SRBD1: variants seen among roughly 807,000 people sequenced by gnomAD.
SRBD1 encodes the protein S1 RNA binding domain 1, also known as S1 RNA-binding domain-containing protein 1.
SRBD1 carries 88 observed loss-of-function variants against 115.3 expected under a neutral mutation model. The observed-to-expected ratio is 0.76, with a 90% CI of 0.64 to 0.91. SRBD1 has a LOEUF of 0.91. Among genes scored for constraint, SRBD1 ranks in the 40% least tolerant of loss-of-function variants. SRBD1 has a pLI of 0.00. For synonymous variants in SRBD1, 509 were observed against 407.7 expected, an observed-to-expected ratio of 1.25 and a Z score of -2.99; for missense variants, 1,385 against 1,177.4, an observed-to-expected ratio of 1.18 and a Z score of -2.58.
intron 14 of SRBD1, among the ~76,000 whole-genome samples, chr2:45,536,864 A>G (rs1310644802): frequency 6.6e-5 from 10 of 152,124 alleles, no homozygotes; most frequent in Admixed American, 3.9e-4. Context: ...TTAACTTTGC[A>G]TTTTTAAAGG....
rs76564128 is a variant in SRBD1, at chr2:45,597,616, A to G, written c.648+1833T>C. 2.8e-3 allele frequency among the ~76,000 whole-genome samples: 425 copies of G among 152,192 alleles called. 2 individuals are homozygous for G. Among genetic ancestry groups the G allele is most frequent in the Middle Eastern group, 6.8e-3 (2 of 294 alleles). On this transcript the variant is annotated intron_variant, in intron 4 of 20. Transcript: ENST00000263736. ...AATTGGTGATTATAAGACACCAGAT[A>G]GAGAGAAAACTAACAGCACCTTCTC...
intron 1 of SRBD1, among the ~76,000 whole-genome samples, chr2:45,609,536 A>G (rs1263409314): frequency 6.6e-6 from 1 of 152,186 alleles, no homozygotes; most frequent in Non-Finnish European, 1.5e-5. Flanking sequence ...TTCACTTAGA[A>G]TCAAGCCACA....
At chr2:45,592,261 C>G (rs896728488) in intron 4 of SRBD1, among the ~76,000 whole-genome samples, 1 of 152,062 alleles carries the variant, frequency 6.6e-6, no homozygotes, top group Non-Finnish European at 1.5e-5. Context: ...TGAAAACAGA[C>G]TAATACATAG....
chr2:45,492,549 C>T (rs1670330287), intron 14 of SRBD1, among the ~76,000 whole-genome samples: 2 of 152,206 alleles, frequency 1.3e-5, no homozygotes, highest in African/African-American at 4.8e-5. Context: ...CACCATTCTC[C>T]TGCCTCAGCC....
At chr2:45,512,907 T>A (rs1362380532) in intron 14 of SRBD1, among the ~76,000 whole-genome samples, 2 of 152,238 alleles carry the variant, frequency 1.3e-5, no homozygotes, top group East Asian at 3.9e-4. Flanking sequence ...GTCTGTCCCC[T>A]TTAACCTACT....
chr2:45,553,547 T>C (rs1015667125), intron 11 of SRBD1, 76 bp downstream of exon 11: 2 of 916,188 alleles, frequency 2.2e-6, no homozygotes, highest in African/African-American at 3.4e-5. Flanking sequence ...CAACAAACAT[T>C]AGCTACACAC....
chr2:45,431,215 G>A (rs1215028059), intron 16 of SRBD1, among the ~76,000 whole-genome samples: 1 of 152,198 alleles, frequency 6.6e-6, no homozygotes, highest in African/African-American at 2.4e-5. Flanking sequence ...GTGTAAATTA[G>A]TTCAACCATT....
In SRBD1 at chr2:45,581,688, C is replaced by T. The variant is rs1673369134; in HGVS notation, c.933+5G>A. 2 of 1,607,788 alleles carry T rather than the reference C, an allele frequency of 1.2e-6. No individual in the cohort carries two copies. The highest frequency in any genetic ancestry group is 1.3e-5 in the African/African-American group (1 of 74,510). ...TTACATTAAAAGATAAAAAGGATTC[C>T]TTACCACGTGTTCTAGTTCTTCAAA... On this transcript the variant is annotated splice_donor_5th_base_variant and intron_variant, in intron 6 of 20. Coordinates refer to ENST00000263736, the MANE Select transcript of SRBD1 (RefSeq NM_018079.5).
chr2:45,562,729 A>C lies in SRBD1; in HGVS notation c.1333T>G (p.Leu445Val), dbSNP rs745511617. 6.4e-5 allele frequency: 103 copies of C among 1,609,728 alleles called. No individual in the cohort carries two copies. Among genetic ancestry groups the C allele is most frequent in the Non-Finnish European group, 8.7e-5 (102 of 1,178,932 alleles). ...TTGACCTTAACCGTCAGTACCTTCA[A>C]ATTTTCTCCACGGTTAATTGCCAGA... ...QILAINRGEN[L>V]KVLTVKVNIS... is the part of the protein sequence containing the mutation. The change falls in exon 10 of 21, where the codon TTG (leucine) becomes GTG (valine). Residue 445 changes from leucine (L) to valine (V), a missense_variant. By Grantham distance (32) the Leu-to-Val change is conservative (BLOSUM62 1). Coordinates refer to ENST00000263736, the MANE Select transcript of SRBD1 (RefSeq NM_018079.5).
intron 14 of SRBD1, among the ~76,000 whole-genome samples, chr2:45,506,166 C>T (rs1403661834): frequency 6.6e-6 from 1 of 152,084 alleles, no homozygotes; most frequent in African/African-American, 2.4e-5. Flanking sequence ...TTAGATACAT[C>T]AGAAATCAAA....
intron 11 of SRBD1, among the ~76,000 whole-genome samples, chr2:45,551,675 T>G (rs988629948): frequency 5.3e-5 from 8 of 152,078 alleles, no homozygotes; most frequent in Admixed American, 1.3e-4. Flanking sequence ...AAACAGCATA[T>G]GTAAAGGCTC....
At chr2:45,405,675 A>T (rs1558556522) in intron 19 of SRBD1, among the ~76,000 whole-genome samples, 3 of 152,160 alleles carry the variant, frequency 2.0e-5, no homozygotes, top group Non-Finnish European at 4.4e-5. Flanking sequence ...GGGCCAGAGG[A>T]GAAAGAGAAA....
At chr2:45,468,495 C>G (rs753347822) in intron 16 of SRBD1, among the ~76,000 whole-genome samples, 51 of 151,992 alleles carry the variant, frequency 3.4e-4, no homozygotes, top group East Asian at 1.9e-4. Flanking sequence ...CCAAGTGATC[C>G]TTTCACCTCA....
At chr2:45,428,639 C>T (rs1668235936) in intron 16 of SRBD1, among the ~76,000 whole-genome samples, 1 of 151,852 alleles carries the variant, frequency 6.6e-6, no homozygotes, top group Admixed American at 6.5e-5. Flanking sequence ...CACAATGTAC[C>T]AGAATCTCTG....
Position 45,599,439 on chromosome 2 carries a change from C to T in SRBD1, c.648+10G>A, listed in dbSNP as rs1273762108. 3 of 1,603,502 alleles carry T rather than the reference C, an allele frequency of 1.9e-6. No individual in the cohort carries two copies. The highest frequency in any genetic ancestry group is 2.6e-6 in the Non-Finnish European group (3 of 1,174,368). ...AAACAACTAAAGTGACAGAAAAAGGCTGCACATACCTGTACCATGTCCCAA... is the reference window on the plus strand; with the variant it reads ...AAACAACTAAAGTGACAGAAAAAGGTTGCACATACCTGTACCATGTCCCAA... On this transcript the variant is annotated intron_variant, in intron 4 of 20. Transcript: ENST00000263736.
intron 9 of SRBD1, among the ~76,000 whole-genome samples, chr2:45,564,716 A>T (rs2104111842): frequency 6.6e-6 from 1 of 152,388 alleles, no homozygotes; most frequent in East Asian, 1.9e-4. Context: ...TTGACCTTTG[A>T]ACAATACAGG....
intron 1 of SRBD1, among the ~76,000 whole-genome samples, chr2:45,609,135 T>C (rs570615004): frequency 3.7e-4 from 57 of 152,302 alleles, no homozygotes; most frequent in African/African-American, 9.1e-4. Flanking sequence ...TTCATTGACA[T>C]ATAATTGACA....
Position 45,585,618 on chromosome 2 carries a change from C to T in SRBD1, c.805G>A (p.Glu269Lys). 1.9e-6 allele frequency: 3 copies of T among 1,610,802 alleles called. No homozygotes were observed. The highest frequency in any genetic ancestry group is 1.1e-5 in the South Asian group (1 of 90,290). Residue 269 changes from glutamate (E) to lysine (K), a missense_variant, in exon 5 of 21, where the codon GAA becomes AAA. Physicochemically the swap from Glu to Lys is moderately conservative, Grantham distance 56 (BLOSUM62 1). Coordinates refer to ENST00000263736, the MANE Select transcript of SRBD1 (RefSeq NM_018079.5). Reference protein sequence around the residue: ...DSLREVQQTLEELRAVAKKVH... With the variant: ...DSLREVQQTLKELRAVAKKVH... Reference sequence around the variant, plus strand: ...TTTTAGGTTTCTTACCGTAGCTCTTCTAGGGTTTGCTGAACTTCTCTCAAG... The same window carrying T: ...TTTTAGGTTTCTTACCGTAGCTCTTTTAGGGTTTGCTGAACTTCTCTCAAG...
intron 16 of SRBD1, among the ~76,000 whole-genome samples, chr2:45,441,442 A>T (rs139375448): frequency 1.3e-5 from 2 of 152,146 alleles, no homozygotes; most frequent in African/African-American, 4.8e-5. Flanking sequence ...ATGATTTGTT[A>T]TTGTATCCTG....
Sources: allele counts gnomAD v4.1 joint callset (sites outside exome capture counted in the v4.1 genomes callset), GRCh38; gene constraint gnomAD v4.1.1; transcripts MANE v1.5; gene names NCBI Gene and HGNC (gene_info 2026-07-23, HGNC 2026-07-21).